The following MCF2 variants were observed in gnomAD, a reference collection of about 807,000 sequenced individuals.
The protein encoded by MCF2 is proto-oncogene DBL.
In MCF2, 44 loss-of-function variants were observed where a neutral mutation model predicts 82.5. The observed-to-expected ratio is 0.53, with a 90% CI of 0.42 to 0.69. The LOEUF is 0.69. Ranked by LOEUF, MCF2 falls within the 30% of genes least tolerant of loss-of-function variation. MCF2 has a pLI of 0.00. For synonymous variants in MCF2, 217 were observed against 224.9 expected, an observed-to-expected ratio of 0.96 and a Z score of 0.32; for missense variants, 623 against 663.1, an observed-to-expected ratio of 0.94 and a Z score of 0.66.
chrX:139,608,489 G>A (rs1931229254), intron 11 of MCF2, among the ~76,000 whole-genome samples: 1 of 111,110 alleles, frequency 9.0e-6, no homozygotes, highest in African/African-American at 3.3e-5. Flanking sequence ...GATTTGTGAT[G>A]ATTATTTCTT....
At chrX:139,645,307 G>A (rs1275705267), upstream of MCF2, among the ~76,000 whole-genome samples, 1 of 110,544 alleles carries the variant, frequency 9.0e-6, no homozygotes, top group Non-Finnish European at 1.9e-5. Flanking sequence ...AACTTGCCTT[G>A]TCCTGAAAGG....
At chrX:139,690,120 A>T (rs1388757161) in intron 1 of MCF2, among the ~76,000 whole-genome samples, 1 of 111,597 alleles carries the variant, frequency 9.0e-6, no homozygotes, top group African/African-American at 3.3e-5. Flanking sequence ...CCAGGTAAAA[A>T]CACAGCACAG....
chrX:139,685,849 A>C (rs999092350), intron 1 of MCF2, among the ~76,000 whole-genome samples: 1 of 111,569 alleles, frequency 9.0e-6, no homozygotes, highest in Non-Finnish European at 1.9e-5. Flanking sequence ...CAGAGATGCA[A>C]AAATACTCAA....
intron 1 of MCF2, among the ~76,000 whole-genome samples, chrX:139,700,522 C>T (rs995444199): frequency 1.6e-4 from 18 of 111,585 alleles, no homozygotes; most frequent in South Asian, 7.6e-4. Flanking sequence ...AGAGTTTCAC[C>T]GCCACTGCCC....
intron 10 of MCF2, among the ~76,000 whole-genome samples, chrX:139,613,922 C>A (rs1431687610): frequency 9.0e-6 from 1 of 110,956 alleles, no homozygotes; most frequent in African/African-American, 3.3e-5. Context: ...CTGCTTTCAT[C>A]ACCTTTTGAA....
intron 1 of MCF2, among the ~76,000 whole-genome samples, chrX:139,641,856 T>A (rs997123276): frequency 9.0e-6 from 1 of 111,452 alleles, no homozygotes; most frequent in Non-Finnish European, 1.9e-5. Context: ...AGGAGAGACT[T>A]CCAAATTCTA....
chrX:139,637,055 C>G (rs1933266250), intron 1 of MCF2, among the ~76,000 whole-genome samples: 1 of 111,468 alleles, frequency 9.0e-6, no homozygotes, highest in Non-Finnish European at 1.9e-5. Context: ...AATGCACCAT[C>G]AAAGGATGAA....
At chrX:139,595,478 C>CA (rs1255799251) in intron 19 of MCF2, among the ~76,000 whole-genome samples, 1 of 102,444 alleles carries the variant, frequency 9.8e-6, no homozygotes, top group African/African-American at 3.6e-5. Flanking sequence ...ATCGCAAGAA[C>CA]AAAAAACCAA....
intron 1 of MCF2, among the ~76,000 whole-genome samples, chrX:139,656,735 G>A (rs1260432848): frequency 8.9e-6 from 1 of 112,147 alleles, no homozygotes; most frequent in Non-Finnish European, 1.9e-5. Flanking sequence ...ACCCAGCTTT[G>A]TAGCTGACCC....
chrX:139,700,324 A>T (rs1040705807), intron 1 of MCF2, among the ~76,000 whole-genome samples: 1 of 111,426 alleles, frequency 9.0e-6, no homozygotes, highest in African/African-American at 3.3e-5. Flanking sequence ...AATTTGTTCG[A>T]CCCAGAATCT....
At chrX:139,584,352 A>T in intron 24 of MCF2, among the ~76,000 whole-genome samples, 1 of 110,346 alleles carries the variant, frequency 9.1e-6, no homozygotes, top group African/African-American at 3.3e-5. Context: ...CTAACAGTAG[A>T]ACTGCCAAAT....
intron 1 of MCF2, among the ~76,000 whole-genome samples, chrX:139,688,228 A>G (rs774640976): frequency 5.4e-4 from 61 of 111,974 alleles, no homozygotes; most frequent in Non-Finnish European, 1.0e-3. Context: ...TGAATACAGC[A>G]CATTGAAAGA....
intron 1 of MCF2, among the ~76,000 whole-genome samples, chrX:139,671,993 G>A (rs1934712425): frequency 9.0e-6 from 1 of 111,519 alleles, no homozygotes; most frequent in Non-Finnish European, 1.9e-5. Flanking sequence ...ATTTTGCTGA[G>A]CAGTGGTTTG....
At position 139,640,769 on chromosome X, in the gene MCF2, T is replaced by C. The variant is rs915204537; in HGVS notation, c.51+1699A>G. ...AGGAAAGCATATGTGTCTTCTACTA[T>C]AGTTCTAGGCTTCAGAATTAATCCA... On this transcript the variant is annotated intron_variant, in intron 1 of 24. Coordinates refer to ENST00000370576, the Ensembl canonical transcript of MCF2. Among the ~76,000 whole-genome samples, 4 of 111,058 alleles carry C rather than the reference T, an allele frequency of 3.6e-5. No individual in the cohort carries two copies. The East Asian group carries it at 8.4e-4, about 23-fold the overall frequency.
chrX:139,707,741 T>G (rs1204382567), intron 1 of MCF2, among the ~76,000 whole-genome samples: 1 of 111,646 alleles, frequency 9.0e-6, no homozygotes, highest in African/African-American at 3.3e-5. Flanking sequence ...CACACCAGAT[T>G]TGTTATACTA....
chrX:139,598,823 C>T (rs1312879821), intron 16 of MCF2, among the ~76,000 whole-genome samples: 1 of 111,585 alleles, frequency 9.0e-6, no homozygotes, highest in Admixed American at 9.6e-5. Flanking sequence ...TTAAAACGTT[C>T]TTTAATATAT....
intron 1 of MCF2, among the ~76,000 whole-genome samples, chrX:139,642,033 A>G (rs1933598997): frequency 9.0e-6 from 1 of 111,456 alleles, no homozygotes; most frequent in African/African-American, 3.3e-5. Context: ...AACACCCAGG[A>G]AAGGCTGCAT....
At chrX:139,596,599 C>T in exon 19 of MCF2, 1 of 1,210,399 alleles carries the variant, frequency 8.3e-7, no homozygotes. Context: ...GAGCCTTCTC[C>T]ACTTTCAACA....
At chrX:139,656,252 C>T (rs1257209862) in intron 1 of MCF2, among the ~76,000 whole-genome samples, 3 of 111,037 alleles carry the variant, frequency 2.7e-5, no homozygotes, top group African/African-American at 6.5e-5. Flanking sequence ...TTAGTAGAGA[C>T]GGGGTTTCAC....
Sources: allele counts gnomAD v4.1 joint callset (sites outside exome capture counted in the v4.1 genomes callset), GRCh38; gene constraint gnomAD v4.1.1; transcripts MANE v1.5; gene names NCBI Gene and HGNC (gene_info 2026-07-23, HGNC 2026-07-21).